CADM2: variants seen among roughly 807,000 people sequenced by gnomAD.
The protein encoded by CADM2 is cell adhesion molecule 2.
A neutral mutation model predicts 49.8 loss-of-function variants in CADM2; 12 were observed. The ratio of observed to expected loss-of-function variants is 0.24; its 90% confidence interval spans 0.15 to 0.39. CADM2 has a LOEUF of 0.39. Ranked by LOEUF, CADM2 falls within the 10% of genes least tolerant of loss-of-function variation. The pLI is 1.00. For synonymous variants in CADM2, 214 were observed against 175.4 expected, an observed-to-expected ratio of 1.22 and a Z score of -1.74; for missense variants, 378 against 492.3, an observed-to-expected ratio of 0.77 and a Z score of 2.20.
chr3:85,562,811 AT>A (rs1446611509), intron 1 of CADM2, among the ~76,000 whole-genome samples: 2 of 152,030 alleles, frequency 1.3e-5, no homozygotes, highest in African/African-American at 4.8e-5. Flanking sequence ...CATTTTAGAG[AT>A]TTGTCCACTT....
intron 1 of CADM2, among the ~76,000 whole-genome samples, chr3:85,670,496 T>G (rs1395658147): frequency 1.3e-5 from 2 of 152,144 alleles, no homozygotes; most frequent in African/African-American, 4.8e-5. Context: ...CAGTGTCACA[T>G]TCTTCCCACT....
At chr3:85,717,337 A>AG (rs1348822064) in intron 1 of CADM2, among the ~76,000 whole-genome samples, 7 of 152,112 alleles carry the variant, frequency 4.6e-5, no homozygotes, top group African/African-American at 1.7e-4. Flanking sequence ...ATTTTTGCAC[A>AG]TTGATTTTGT....
At chr3:85,373,954 G>A (rs1030326136) in intron 1 of CADM2, among the ~76,000 whole-genome samples, 2 of 152,106 alleles carry the variant, frequency 1.3e-5, no homozygotes, top group African/African-American at 4.8e-5. Context: ...GGATGGGAGG[G>A]GCTGCTGTGA....
At chr3:85,520,242 C>T (rs991427940) in intron 1 of CADM2, among the ~76,000 whole-genome samples, 3 of 151,184 alleles carry the variant, frequency 2.0e-5, no homozygotes, top group Non-Finnish European at 4.4e-5. Context: ...TAAAAAGTGT[C>T]CTTTTAAAAA....
chr3:85,615,987 A>G (rs1371906054), intron 1 of CADM2, among the ~76,000 whole-genome samples: 1 of 152,090 alleles, frequency 6.6e-6, no homozygotes, highest in Admixed American at 6.6e-5. Flanking sequence ...TAATGTGTTG[A>G]ATGAGATGGC....
At chr3:85,881,907 T>C (rs958607521) in intron 3 of CADM2, among the ~76,000 whole-genome samples, 1 of 152,142 alleles carries the variant, frequency 6.6e-6, no homozygotes, top group Non-Finnish European at 1.5e-5. Context: ...GCAACCTAGA[T>C]GCCTCATATC....
chr3:85,082,349 T>A (rs1317692375), intron 1 of CADM2, among the ~76,000 whole-genome samples: 1 of 152,166 alleles, frequency 6.6e-6, no homozygotes, highest in Non-Finnish European at 1.5e-5. Context: ...ACATATACTT[T>A]ACAAAGAGCT....
At chr3:85,425,827 C>T (rs1214775957) in intron 1 of CADM2, among the ~76,000 whole-genome samples, 2 of 152,174 alleles carry the variant, frequency 1.3e-5, no homozygotes, top group African/African-American at 4.8e-5. Context: ...AGGCCCTGAG[C>T]TCTGGGAGCC....
At chr3:85,585,966 A>G (rs892951551) in intron 1 of CADM2, among the ~76,000 whole-genome samples, 5 of 152,070 alleles carry the variant, frequency 3.3e-5, no homozygotes, top group African/African-American at 1.2e-4. Flanking sequence ...TTTTTAATGG[A>G]TATGATACTG....
intron 1 of CADM2, among the ~76,000 whole-genome samples, chr3:85,654,251 C>G (rs1287230862): frequency 6.6e-6 from 1 of 152,068 alleles, no homozygotes; most frequent in Non-Finnish European, 1.5e-5. Flanking sequence ...TGGTTGTAAG[C>G]TGAATGGGTA....
chr3:85,871,888 A>G (rs186719184), intron 3 of CADM2, among the ~76,000 whole-genome samples: 1 of 152,342 alleles, frequency 6.6e-6, no homozygotes, highest in Admixed American at 6.5e-5. Context: ...AAAATTCCCC[A>G]AAATATTTGC....
chr3:85,623,927 T>C lies in CADM2; in HGVS notation c.62-102595T>C, dbSNP rs568936953. 7.2e-5 allele frequency among the ~76,000 whole-genome samples: 11 copies of C among 152,148 alleles called. No homozygotes were observed. In the East Asian group the frequency reaches 1.4e-3, roughly 19 times the overall value. On this transcript the variant is annotated intron_variant, in intron 1 of 9. Transcript: ENST00000383699. ...TTAGAAATCTCTATGAGAAAAAAAA[T>C]GTTAAGGATATTGCTTTATTTTGAT...
intron 8 of CADM2, among the ~76,000 whole-genome samples, chr3:86,020,399 A>C (rs1471764454): frequency 1.3e-5 from 2 of 152,140 alleles, no homozygotes; most frequent in Admixed American, 6.6e-5. Flanking sequence ...GCCGAATTCT[A>C]CCAGAGGTAC....
chr3:85,614,741 T>C (rs2063757741), intron 1 of CADM2, among the ~76,000 whole-genome samples: 2 of 151,882 alleles, frequency 1.3e-5, no homozygotes, highest in Non-Finnish European at 2.9e-5. Flanking sequence ...AAACCTCTCA[T>C]GTAAAGACAG....
At chr3:86,009,657 GCTT>G (rs1309302727) in intron 8 of CADM2, among the ~76,000 whole-genome samples, 1 of 151,692 alleles carries the variant, frequency 6.6e-6, no homozygotes, top group Non-Finnish European at 1.5e-5. Flanking sequence ...AAACATAAAA[GCTT>G]CTTTCTCCCC....
At position 85,008,497 on chromosome 3, in the gene CADM2, T is replaced by C. The variant is rs116686725; in HGVS notation, c.61+48829T>C. Among the ~76,000 whole-genome samples the C allele has an allele frequency of 6.4e-3, 967 of 152,270 alleles. 15 individuals carry two copies. The highest frequency in any genetic ancestry group is 0.022 in the African/African-American group (925 of 41,560). ...TGGCTACTTACTCATGGACTCTCGC[T>C]TGACAAGATTGTAAACTTCACTGGA... On this transcript the variant is annotated intron_variant, in intron 1 of 9. Coordinates refer to ENST00000383699, the MANE Select transcript of CADM2 (RefSeq NM_001167675.2).
At chr3:85,541,777 A>ATATATATATTTTATATTT (rs2061553399) in intron 1 of CADM2, among the ~76,000 whole-genome samples, 23 of 20,328 alleles carry the variant, frequency 1.1e-3, no homozygotes, top group African/African-American at 3.7e-3. Flanking sequence ...TTTATATTTT[A>ATATATATATTTTATATTT]TATATATATA....
At chr3:86,060,073 G>A (rs915921270) in intron 8 of CADM2, among the ~76,000 whole-genome samples, 1 of 151,940 alleles carries the variant, frequency 6.6e-6, no homozygotes, top group Admixed American at 6.6e-5. Flanking sequence ...AGAATGAATA[G>A]GATCAAATAA....
chr3:85,493,742 A>G (rs2039772408), intron 1 of CADM2, among the ~76,000 whole-genome samples: 1 of 152,160 alleles, frequency 6.6e-6, no homozygotes, highest in Admixed American at 6.5e-5. Flanking sequence ...TTCAATGCCT[A>G]TTGAGTTGCT....
Sources: gnomAD v4.1 joint callset for allele counts (sites outside exome capture counted in the v4.1 genomes callset) on GRCh38, gnomAD v4.1.1 for gene constraint, MANE v1.5 for transcripts, NCBI Gene and HGNC (gene_info 2026-07-23, HGNC 2026-07-21) for gene names.